The following TRAF2 variants were observed in gnomAD, a reference collection of about 807,000 sequenced individuals.
TRAF2 encodes the protein TNF receptor associated factor 2.
Under a neutral mutation model 55.6 loss-of-function variants are expected in TRAF2, and 6 were observed. The observed-to-expected ratio is 0.11, with a 90% CI of 0.06 to 0.21. The LOEUF (loss-of-function observed/expected upper bound fraction) is 0.21. TRAF2 is among the 10% of genes least tolerant of loss of function. TRAF2 has a pLI of 1.00. For missense variants in TRAF2, 561 were observed against 684.5 expected (o/e 0.82, Z 2.01); for synonymous variants, 329 against 276.3 (o/e 1.19, Z -1.89).
Position 136,925,927 on chromosome 9 carries a change from TG to T in TRAF2, c.*31del. On this transcript the variant is annotated 3_prime_UTR_variant, in exon 11 of 11. Coordinates refer to ENST00000247668, the MANE Select transcript of TRAF2 (RefSeq NM_021138.4). ...CTGCCCCCTACTGGTGTCTGGGGGT[TG>T]GGGGCAGCCAGGCACAGCCGGCTCA... The T allele has an allele frequency of 6.2e-7, 1 of 1,612,266 alleles. No homozygotes were observed.
chr9:136,926,354 C>T lies in TRAF2; in HGVS notation c.*453C>T. 2 of 344,472 alleles carry T rather than the reference C, an allele frequency of 5.8e-6. No individual in the cohort carries two copies. Among genetic ancestry groups the T allele is most frequent in the South Asian group, 4.6e-5 (2 of 43,878 alleles). 21.3% of individuals were successfully genotyped at this position (344,472 alleles called of 1,614,324 possible). A position where few individuals can be genotyped will look rare whatever the true frequency, so the allele number is the denominator to read the frequency against. ...GAGAAGGGCCTCCTGCTGGCCAGAG[C>T]AAGGAAGGCTGAGCAGCTTGGTTCT... On this transcript the variant is annotated 3_prime_UTR_variant, in exon 11 of 11. Coordinates refer to ENST00000247668, the MANE Select transcript of TRAF2 (RefSeq NM_021138.4).
At chr9:136,895,966 G>GC (rs1849670971) in intron 1 of TRAF2, among the ~76,000 whole-genome samples, 1 of 151,912 alleles carries the variant, frequency 6.6e-6, no homozygotes, top group Admixed American at 6.6e-5. Flanking sequence ...CCACCCTTAG[G>GC]CCAGGGCCTG....
At chr9:136,895,296 G>T (rs1001786530) in intron 1 of TRAF2, among the ~76,000 whole-genome samples, 1 of 152,202 alleles carries the variant, frequency 6.6e-6, no homozygotes, top group South Asian at 2.1e-4. Context: ...GTTCTGCCTG[G>T]TGGGTGGGTC....
intron 1 of TRAF2, among the ~76,000 whole-genome samples, chr9:136,895,913 A>C (rs1849669991): frequency 2.0e-5 from 3 of 148,472 alleles, no homozygotes; most frequent in Admixed American, 2.0e-4. Context: ...ATAAATTGCC[A>C]CCCCAGGTTG....
intron 6 of TRAF2, among the ~76,000 whole-genome samples, chr9:136,914,828 AGTATTCCACGGAGGCCC>A (rs1048263310): frequency 2.6e-5 from 4 of 152,042 alleles, no homozygotes; most frequent in African/African-American, 9.7e-5. Context: ...CGGCTGTCTC[AGTATTCCACGGAGGCCC>A]ATTTGTTTCA....
chr9:136,925,627 G>T, intron 10 of TRAF2, 56 bp from the exon 11 acceptor site: 1 of 1,575,266 alleles, frequency 6.3e-7, no homozygotes, highest in Non-Finnish European at 8.7e-7. Flanking sequence ...ACCCTCGGGA[G>T]CCAGAGAGAG....
rs760073594 is a variant in TRAF2, at chr9:136,921,069, A to G, written c.992A>G (p.Lys331Arg). The change falls in exon 9 of 11, where the codon AAG becomes AGG. Residue 331 changes from lysine to arginine, a missense_variant. Transcript: ENST00000247668. ...VQQLERSIGL[K>R]DLAMADLEQK... ...CAGCTGGAGAGGAGCATTGGCCTCA[A>G]GGACCTGGCGATGGCTGACTTGGAG... is the stretch of plus-strand genomic sequence containing the variant. 7 of 1,613,926 alleles carry G rather than the reference A, an allele frequency of 4.3e-6. No homozygotes were observed. In the African/African-American group the frequency reaches 9.3e-5, roughly 22 times the overall value.
At chr9:136,918,265 A>G (rs1850294300) in intron 7 of TRAF2, among the ~76,000 whole-genome samples, 1 of 11,636 alleles carries the variant, frequency 8.6e-5, no homozygotes, top group Admixed American at 5.2e-4. Context: ...ATATTTATTT[A>G]ATTAATTAAT....
intron 1 of TRAF2, among the ~76,000 whole-genome samples, chr9:136,888,323 C>T (rs540935754): frequency 6.2e-4 from 94 of 152,228 alleles, no homozygotes; most frequent in African/African-American, 2.0e-3. Flanking sequence ...CCCAGCTACT[C>T]CGGAGGCTGA....
chr9:136,916,907 C>T (rs1384920950), intron 7 of TRAF2, among the ~76,000 whole-genome samples: 3 of 152,110 alleles, frequency 2.0e-5, no homozygotes, highest in Admixed American at 1.3e-4. Context: ...GTTGAGTGCA[C>T]GTCTCAGATG....
At chr9:136,906,357 C>T (rs1462375481) in intron 4 of TRAF2, among the ~76,000 whole-genome samples, 1 of 152,094 alleles carries the variant, frequency 6.6e-6, no homozygotes, top group Non-Finnish European at 1.5e-5. Flanking sequence ...TTCCATGTGC[C>T]TGGGGAGGCC....
At chr9:136,916,651 C>T (rs1850249917) in intron 7 of TRAF2, 36 bp downstream of exon 7, 1 of 1,600,176 alleles carries the variant, frequency 6.2e-7, no homozygotes, top group South Asian at 1.1e-5. Context: ...GGCCACCCCT[C>T]ATCCTGGGTG....
chr9:136,906,511 CA>C (rs754416618), intron 4 of TRAF2, among the ~76,000 whole-genome samples: 79 of 152,232 alleles, frequency 5.2e-4, no homozygotes, highest in Non-Finnish European at 9.7e-4. Context: ...GGGAAAAACC[CA>C]CCCCATGATT....
At chr9:136,882,002 C>T (rs565945521), upstream of TRAF2, 49 of 985,458 alleles carry the variant, frequency 5.0e-5, no homozygotes, top group East Asian at 1.1e-4. Flanking sequence ...GGCAAGCTCT[C>T]GGTGTGAGCA....
Position 136,925,736 on chromosome 9 carries a change from C to T in TRAF2, c.1341C>T (p.Phe447=), listed in dbSNP as rs1850514791. ...ACCGGGAGCACGTGATTGACGCCTT[C>T]AGGCCCGACGTGACTTCATCCTCTT... ...QNNREHVIDA[F]RPDVTSSSFQ... Residue 447 remains phenylalanine, a synonymous_variant, in exon 11 of 11, where the codon TTC becomes TTT. Transcript: ENST00000247668. The T allele has an allele frequency of 6.2e-7, 1 of 1,614,250 alleles. No individual in the cohort carries two copies. The highest frequency in any genetic ancestry group is 8.5e-7 in the Non-Finnish European group (1 of 1,180,056).
upstream of TRAF2, among the ~76,000 whole-genome samples, chr9:136,883,673 T>C (rs1849399773): frequency 1.3e-5 from 2 of 151,962 alleles, no homozygotes; most frequent in Admixed American, 1.3e-4. Flanking sequence ...TCTGCCACCA[T>C]GCCCAGCTGA....
At chr9:136,889,342 G>A (rs1424239231) in intron 1 of TRAF2, among the ~76,000 whole-genome samples, 4 of 150,538 alleles carry the variant, frequency 2.7e-5, no homozygotes, top group African/African-American at 7.3e-5. Context: ...GGAGTGCAAT[G>A]GTGCGATCTC....
intron 7 of TRAF2, among the ~76,000 whole-genome samples, chr9:136,918,717 TTTC>T (rs768806616): frequency 6.4e-4 from 97 of 152,144 alleles, no homozygotes; most frequent in African/African-American, 2.0e-3. Flanking sequence ...TGGCTTTTTA[TTTC>T]TTATTTTATT....
At position 136,891,696 on chromosome 9, in the gene TRAF2, T is replaced by C. The variant is rs1220396105; in HGVS notation, c.-29+5155T>C. ...TGCACCAGGACACTCTTCAGTGACA[T>C]TGGGAAAAAAGAACGCTCACCCTGA... On this transcript the variant is annotated intron_variant, in intron 1 of 10. Coordinates refer to ENST00000247668, the MANE Select transcript of TRAF2 (RefSeq NM_021138.4). Among the ~76,000 whole-genome samples, 3 of 151,832 alleles carry C rather than the reference T, an allele frequency of 2.0e-5. 1 individual carries two copies. Among genetic ancestry groups the C allele is most frequent in the Admixed American group, 2.0e-4 (3 of 15,216 alleles).
Sources: gnomAD v4.1 joint callset for allele counts (sites outside exome capture counted in the v4.1 genomes callset) on GRCh38, gnomAD v4.1.1 for gene constraint, MANE v1.5 for transcripts, NCBI Gene and HGNC (gene_info 2026-07-23, HGNC 2026-07-21) for gene names.